The following EML5 variants were observed in gnomAD, a reference collection of about 807,000 sequenced individuals.
EML5 encodes the protein EMAP like 5, also known as echinoderm microtubule-associated protein-like 5.
EML5 carries 120 observed loss-of-function variants against 250.0 expected under a neutral mutation model. The observed-to-expected ratio is 0.48, with a 90% CI of 0.41 to 0.56. The LOEUF is 0.56. EML5 is among the 20% of genes least tolerant of loss of function. EML5 has a pLI of 0.00. For synonymous variants in EML5, 771 were observed against 806.5 expected (o/e 0.96, Z 0.75); for missense variants, 2,006 against 2,437.6 (o/e 0.82, Z 3.73).
intron 1 of EML5, among the ~76,000 whole-genome samples, chr14:88,787,372 GA>G (rs1283686949): frequency 6.6e-6 from 1 of 152,116 alleles, no homozygotes; most frequent in Non-Finnish European, 1.5e-5. Context: ...TCTTGGATGA[GA>G]AAACTTTGAA....
Position 88,664,552 on chromosome 14 carries a change from C to G in EML5, c.3350G>C (p.Arg1117Pro). ...IDIYNVMSSK[R>P]VGICKGATSY... ...GGTAGCTCCTTTGCATATTCCTACTCGTTTACTACTCATTACATTGTATAT... is the reference window on the plus strand; with the variant it reads ...GGTAGCTCCTTTGCATATTCCTACTGGTTTACTACTCATTACATTGTATAT... The change falls in exon 23 of 44, where the codon CGA becomes CCA. Residue 1117 changes from arginine (R) to proline (P), a missense_variant. Around this residue, in one of 7 missense-constraint regions of EML5, gnomAD observed 1,375 missense variants for 1,590.3 expected, o/e 0.86. Coordinates refer to ENST00000554922, the MANE Select transcript of EML5 (RefSeq NM_183387.3). 6.2e-7 allele frequency: 1 copy of G among 1,611,096 alleles called. No individual in the cohort carries two copies. The highest frequency in any genetic ancestry group is 8.5e-7 in the Non-Finnish European group (1 of 1,178,804).
intron 1 of EML5, among the ~76,000 whole-genome samples, chr14:88,775,355 G>A (rs116726594): frequency 6.6e-6 from 1 of 151,804 alleles, no homozygotes; most frequent in Non-Finnish European, 1.5e-5. Flanking sequence ...TGGCATTTCT[G>A]GACCTGCCCT....
intron 32 of EML5, 100 bp downstream of exon 32, chr14:88,638,709 T>C (rs1185338716): frequency 9.9e-7 from 1 of 1,012,802 alleles, no homozygotes; most frequent in Non-Finnish European, 1.5e-6. Context: ...TTTTGAACAA[T>C]CGATAAATCA....
intron 7 of EML5, among the ~76,000 whole-genome samples, chr14:88,729,163 T>C (rs1309574487): frequency 2.6e-5 from 4 of 152,172 alleles, no homozygotes; most frequent in East Asian, 1.9e-4. Flanking sequence ...CGTGTACATA[T>C]ATATACACAT....
In EML5 at chr14:88,658,317, A is replaced by C; in HGVS notation, c.3747T>G (p.Asp1249Glu). The change falls in exon 26 of 44, where the codon GAT becomes GAG. Residue 1249 changes from aspartate (D) to glutamate (E), a missense_variant. Around this residue, in one of 7 missense-constraint regions of EML5, gnomAD observed 1,375 missense variants for 1,590.3 expected, o/e 0.86. Coordinates refer to ENST00000554922, the MANE Select transcript of EML5 (RefSeq NM_183387.3). ...THVTNVRWTY[D>E]DSMLVTLGGT... is the part of the protein sequence containing the mutation. ...CGCCTAGGGTAACCAACATGCTGTC[A>C]TCATAAGTCCAGCGAACATTTGTGA... The C allele has an allele frequency of 6.2e-7, 1 of 1,613,902 alleles. No homozygotes were observed. Among genetic ancestry groups the C allele is most frequent in the Admixed American group, 1.7e-5 (1 of 60,000 alleles).
chr14:88,691,360 A>T (rs996420882), intron 17 of EML5, among the ~76,000 whole-genome samples: 8 of 152,106 alleles, frequency 5.3e-5, no homozygotes, highest in Non-Finnish European at 1.2e-4. Context: ...CCTACATAAT[A>T]CCCTTGATTT....
chr14:88,649,350 C>T (rs1002689457), intron 28 of EML5, among the ~76,000 whole-genome samples: 1 of 152,108 alleles, frequency 6.6e-6, no homozygotes, highest in Admixed American at 6.6e-5. Context: ...CCACCGTGCC[C>T]AGCCATGATA....
intron 37 of EML5, chr14:88,622,092 C>T: frequency 4.1e-6 from 1 of 246,770 alleles, no homozygotes; most frequent in Non-Finnish European, 8.5e-6. Context: ...GTGGGATCAA[C>T]TTTTTTAGTT....
chr14:88,747,258 A>G (rs1375868968), intron 2 of EML5, among the ~76,000 whole-genome samples: 1 of 152,092 alleles, frequency 6.6e-6, no homozygotes, highest in Non-Finnish European at 1.5e-5. Flanking sequence ...CTAAAATTAC[A>G]AAAATTAGCC....
Position 88,614,925 on chromosome 14 carries a change from T to G in EML5, c.*893A>C, listed in dbSNP as rs985149423. 3 of 152,234 alleles carry G rather than the reference T, an allele frequency of 2.0e-5. No homozygotes were observed. The highest frequency in any genetic ancestry group is 7.2e-5 in the African/African-American group (3 of 41,470). 9.4% of individuals were successfully genotyped at this position (152,234 alleles called of 1,614,324 possible). ...TGATTAAATTGTATAATGTTGTATA[T>G]GTGAATTTAACACTTTTGTTTACAT... On this transcript the variant is annotated 3_prime_UTR_variant, in exon 44 of 44. Transcript: ENST00000554922.
At chr14:88,619,998 T>C (rs2088596657) in intron 39 of EML5, 1 of 152,242 alleles carries the variant, frequency 6.6e-6, no homozygotes, top group South Asian at 2.1e-4. Context: ...AGTGAAATGC[T>C]ATTTGCCTAG....
At chr14:88,680,468 C>A (rs906317852) in intron 21 of EML5, among the ~76,000 whole-genome samples, 3 of 151,616 alleles carry the variant, frequency 2.0e-5, no homozygotes, top group African/African-American at 7.3e-5. Flanking sequence ...ACCTTAGATT[C>A]AAATTTATTC....
intron 31 of EML5, among the ~76,000 whole-genome samples, chr14:88,641,352 T>A (rs1205595708): frequency 6.6e-6 from 1 of 151,674 alleles, no homozygotes; most frequent in Admixed American, 6.6e-5. Context: ...CTACAAAACA[T>A]CCCACACAAA....
chr14:88,735,003 C>G (rs183459301), intron 7 of EML5, among the ~76,000 whole-genome samples: 1 of 151,990 alleles, frequency 6.6e-6, no homozygotes, highest in Non-Finnish European at 1.5e-5. Context: ...ATACAGAACA[C>G]TGTGTGATAA....
At chr14:88,784,586 G>C (rs1426867880) in intron 1 of EML5, among the ~76,000 whole-genome samples, 2 of 151,916 alleles carry the variant, frequency 1.3e-5, no homozygotes, top group African/African-American at 4.8e-5. Flanking sequence ...GATTGAACCA[G>C]GAAGAAATCC....
chr14:88,664,714 T>C (rs1005906824), intron 22 of EML5, 90 bp from the exon 23 acceptor site: 8 of 1,290,704 alleles, frequency 6.2e-6, no homozygotes, highest in Non-Finnish European at 8.5e-6. Context: ...CTTTTCTTTA[T>C]GGAGAAATCT....
chr14:88,645,364 A>G (rs777864081), intron 29 of EML5, among the ~76,000 whole-genome samples: 3 of 152,212 alleles, frequency 2.0e-5, no homozygotes, highest in Non-Finnish European at 4.4e-5. Flanking sequence ...CATAATGTAA[A>G]TAACAGCACA....
At chr14:88,630,914 ACAT>A (rs2090403952) in intron 33 of EML5, among the ~76,000 whole-genome samples, 1 of 152,198 alleles carries the variant, frequency 6.6e-6, no homozygotes, top group Admixed American at 6.5e-5. Context: ...GTTCTGGATG[ACAT>A]CATGAAACTC....
chr14:88,644,526 T>C lies in EML5; in HGVS notation c.4029-15A>G, dbSNP rs752790622. 5.3e-5 allele frequency: 85 copies of C among 1,612,970 alleles called. No individual in the cohort carries two copies. Among genetic ancestry groups the C allele is most frequent in the Non-Finnish European group, 6.4e-5 (76 of 1,179,362 alleles). On this transcript the variant is annotated splice_polypyrimidine_tract_variant and intron_variant, in intron 29 of 43. Transcript: ENST00000554922. ...TCACTGGAGGCCTGCAACAGAGAAG[T>C]GGGGAGGAGGAAAGGCATGCAGCAC...
Sources: gnomAD v4.1 joint callset for allele counts (sites outside exome capture counted in the v4.1 genomes callset) on GRCh38, gnomAD v4.1.1 for gene constraint, gnomAD v4.1.1 regional missense constraint, MANE v1.5 for transcripts, NCBI Gene and HGNC (gene_info 2026-07-23, HGNC 2026-07-21) for gene names.